Variants in COL23A1 observed in about 807,000 individuals in gnomAD.
COL23A1 encodes collagen type XXIII alpha 1 chain.
COL23A1 carries 97 observed loss-of-function variants against 99.3 expected under a neutral mutation model. That is an observed-to-expected ratio of 0.98 (90% CI 0.83 to 1.16). The LOEUF (loss-of-function observed/expected upper bound fraction) is 1.16, where lower values mean the gene tolerates loss of function less well. Among genes scored for constraint, COL23A1 ranks in the 50% most tolerant of loss-of-function variants. The pLI is 0.00. For synonymous variants in COL23A1, 320 were observed against 308.2 expected (o/e 1.04, Z -0.40); for missense variants, 762 against 757.4 (o/e 1.01, Z -0.07).
chr5:178,433,035 C>T (rs1766349770), intron 2 of COL23A1, among the ~76,000 whole-genome samples: 1 of 152,094 alleles, frequency 6.6e-6, no homozygotes, highest in Non-Finnish European at 1.5e-5. Flanking sequence ...GTTTATTTCC[C>T]TCCTGACACC....
chr5:178,433,420 G>A (rs1450117847), intron 2 of COL23A1, among the ~76,000 whole-genome samples: 1 of 152,164 alleles, frequency 6.6e-6, no homozygotes. Flanking sequence ...AGTTGGGGTG[G>A]GGTCGCCACC....
In COL23A1 at chr5:178,255,350, A is replaced by G. The variant is rs560308012; in HGVS notation, c.883-324T>C. 6.6e-6 allele frequency among the ~76,000 whole-genome samples: 1 copy of G among 152,336 alleles called. No individual in the cohort carries two copies. The highest frequency in any genetic ancestry group is 6.5e-5 in the Admixed American group (1 of 15,308). On this transcript the variant is annotated intron_variant, in intron 15 of 28. Coordinates refer to ENST00000390654, the MANE Select transcript of COL23A1 (RefSeq NM_173465.4). This position sits in a 1 kb window ranked among gnomAD's most constrained non-coding sequence, Gnocchi z 4.2. ...TTCAGATTTTTCAATGTTGGCAACA[A>G]ACAGAAAAGCCCCAAACCCTCCAAA...
Position 178,281,627 on chromosome 5 carries a change from C to A in COL23A1, c.441+6697G>T, listed in dbSNP as rs1756905979. Among the ~76,000 whole-genome samples the A allele has an allele frequency of 6.6e-6, 1 of 152,200 alleles. No individual in the cohort carries two copies. Among genetic ancestry groups the A allele is most frequent in the South Asian group, 2.1e-4 (1 of 4,828 alleles). On this transcript the variant is annotated intron_variant, in intron 5 of 28. Transcript: ENST00000390654. This position sits in a 1 kb window ranked among gnomAD's most constrained non-coding sequence, Gnocchi z 4.0. ...CCCTCGTTTCTGTTAGTCATTCAGG[C>A]TTCACCAGCAAATTAGTGCAACCGC... is the stretch of plus-strand genomic sequence containing the variant.
chr5:178,252,370 C>A (rs928840342), intron 17 of COL23A1, among the ~76,000 whole-genome samples, 174 bp downstream of exon 17: 3 of 152,140 alleles, frequency 2.0e-5, no homozygotes, highest in African/African-American at 7.2e-5. Context: ...CAGAGTAGAT[C>A]GAGCCCAGGA....
chr5:178,301,369 T>C (rs961830451), intron 3 of COL23A1, among the ~76,000 whole-genome samples: 1 of 152,242 alleles, frequency 6.6e-6, no homozygotes, highest in African/African-American at 2.4e-5. Context: ...CATGGTTTCC[T>C]TTAGTTTTTT....
At chr5:178,267,234 A>C in intron 8 of COL23A1, 73 bp downstream of exon 8, 3 of 1,510,766 alleles carry the variant, frequency 2.0e-6, no homozygotes, top group Non-Finnish European at 2.8e-6. Flanking sequence ...ACCCAGAAGC[A>C]GCGCCAGTTA....
Position 178,435,789 on chromosome 5 carries a change from C to T in COL23A1, c.361+124893G>A, listed in dbSNP as rs948380096. Among the ~76,000 whole-genome samples, 7 of 152,150 alleles carry T rather than the reference C, an allele frequency of 4.6e-5. No individual in the cohort carries two copies. The South Asian group carries it at 8.3e-4, about 18-fold the overall frequency. ...TTTGGAGGTGGCCCTGGAGAGGGCACCCCCATCCCCCTCAACTTCCCGGAC... is the reference window on the plus strand; with the variant it reads ...TTTGGAGGTGGCCCTGGAGAGGGCATCCCCATCCCCCTCAACTTCCCGGAC... On this transcript the variant is annotated intron_variant, in intron 2 of 28. Coordinates refer to ENST00000390654, the MANE Select transcript of COL23A1 (RefSeq NM_173465.4).
At chr5:178,542,326 C>T (rs745640910) in intron 2 of COL23A1, among the ~76,000 whole-genome samples, 19 of 152,236 alleles carry the variant, frequency 1.2e-4, no homozygotes, top group South Asian at 4.1e-4. Context: ...CCACCGTGCC[C>T]GGCCCTGTAG....
Position 178,246,324 on chromosome 5 carries a change from T to G in COL23A1, c.1360-17A>C, listed in dbSNP as rs1167038988. Reference sequence around the variant, plus strand: ...AACTGGCCCCTGGATAGAAAAGGAATGAGTCAAGAGGCATGCTAGTGACAG... The same window carrying G: ...AACTGGCCCCTGGATAGAAAAGGAAGGAGTCAAGAGGCATGCTAGTGACAG... On this transcript the variant is annotated splice_polypyrimidine_tract_variant and intron_variant, in intron 23 of 28. Coordinates refer to ENST00000390654, the MANE Select transcript of COL23A1 (RefSeq NM_173465.4). 6.4e-7 allele frequency: 1 copy of G among 1,557,812 alleles called. No individual in the cohort carries two copies. Among genetic ancestry groups the G allele is most frequent in the Non-Finnish European group, 8.7e-7 (1 of 1,149,892 alleles).
At position 178,425,838 on chromosome 5, in the gene COL23A1, G is replaced by T. The variant is rs537463094; in HGVS notation, c.362-118919C>A. Among the ~76,000 whole-genome samples, 28 of 152,366 alleles carry T rather than the reference G, an allele frequency of 1.8e-4. No individual in the cohort carries two copies. The East Asian group carries it at 5.2e-3, about 28-fold the overall frequency. Reference sequence around the variant, plus strand: ...TATTGACTAACCAGGAGAGCCTGATGAATTTGTGTCTTGAGAGTGCCGTGG... The same window carrying T: ...TATTGACTAACCAGGAGAGCCTGATTAATTTGTGTCTTGAGAGTGCCGTGG... On this transcript the variant is annotated intron_variant, in intron 2 of 28. Coordinates refer to ENST00000390654, the MANE Select transcript of COL23A1 (RefSeq NM_173465.4).
In COL23A1 at chr5:178,366,953, T is replaced by C. The variant is rs570793845; in HGVS notation, c.362-60034A>G. Among the ~76,000 whole-genome samples, 2 of 152,312 alleles carry C rather than the reference T, an allele frequency of 1.3e-5. No individual in the cohort carries two copies. Among genetic ancestry groups the C allele is most frequent in the African/African-American group, 2.4e-5 (1 of 41,566 alleles). On this transcript the variant is annotated intron_variant, in intron 2 of 28. Transcript: ENST00000390654. The surrounding 1 kb of genome is among the most constrained non-coding windows in gnomAD (Gnocchi z 4.4). The stretch of plus-strand genomic sequence containing the variant: ...GGGCTGTGCTTTCTTCACCTCTGCA[T>C]TCCAGGTGTCTCCTACGGACCTGGA...
Position 178,358,099 on chromosome 5 carries a change from ATGTG to A in COL23A1, c.362-51184_362-51181del, listed in dbSNP as rs142465793. ...ATGTGTATGTACGTGTGTAGGTCTA[ATGTG>A]TGTGTATGTGTATGTGTACGTGTGT... On this transcript the variant is annotated intron_variant, in intron 2 of 28. Coordinates refer to ENST00000390654, the MANE Select transcript of COL23A1 (RefSeq NM_173465.4). Among the ~76,000 whole-genome samples, 149 of 138,790 alleles carry A rather than the reference ATGTG, an allele frequency of 1.1e-3. 3 individuals carry two copies. The East Asian group carries it at 0.02, about 18-fold the overall frequency. The allele number at this position is 138,790 out of a possible 152,430, so 91.1% of individuals were successfully genotyped here.
At chr5:178,268,010 C>G (rs1756001350) in intron 7 of COL23A1, among the ~76,000 whole-genome samples, 1 of 152,376 alleles carries the variant, frequency 6.6e-6, no homozygotes, top group East Asian at 1.9e-4. Flanking sequence ...CTTCTGAACA[C>G]CAGCTCCCAT....
Position 178,309,376 on chromosome 5 carries a change from G to C in COL23A1, c.362-2457C>G, listed in dbSNP as rs1758542079. Among the ~76,000 whole-genome samples the C allele has an allele frequency of 6.6e-6, 1 of 152,120 alleles. No homozygotes were observed. ...AGCTGGGCAGGACTGGGGTGTTGCT[G>C]AGCATACAGGGCCTGTGAGCCGCAG... is the stretch of plus-strand genomic sequence containing the variant. On this transcript the variant is annotated intron_variant, in intron 2 of 28. Transcript: ENST00000390654. The surrounding 1 kb of genome is among the most constrained non-coding windows in gnomAD (Gnocchi z 4.7).
At chr5:178,334,788 C>A (rs1110162) in intron 2 of COL23A1, among the ~76,000 whole-genome samples, 1 of 151,824 alleles carries the variant, frequency 6.6e-6, no homozygotes, top group African/African-American at 2.4e-5. Context: ...CACACGTTTC[C>A]GCCAAGTCTT....
Position 178,340,258 on chromosome 5 carries a change from A to G in COL23A1, c.362-33339T>C, listed in dbSNP as rs1045488984. ...GGCTGAGAACAAGGACACCTTTCTGACCAGCAATAAGCCTCACCAAAAAAT... is the reference window on the plus strand; with the variant it reads ...GGCTGAGAACAAGGACACCTTTCTGGCCAGCAATAAGCCTCACCAAAAAAT... On this transcript the variant is annotated intron_variant, in intron 2 of 28. Coordinates refer to ENST00000390654, the MANE Select transcript of COL23A1 (RefSeq NM_173465.4). This position sits in a 1 kb window ranked among gnomAD's most constrained non-coding sequence, Gnocchi z 4.7. Among the ~76,000 whole-genome samples the G allele has an allele frequency of 6.6e-6, 1 of 152,166 alleles. No homozygotes were observed. Among genetic ancestry groups the G allele is most frequent in the African/African-American group, 2.4e-5 (1 of 41,436 alleles).
intron 25 of COL23A1, among the ~76,000 whole-genome samples, chr5:178,242,642 G>A (rs1764469616): frequency 6.6e-6 from 1 of 152,228 alleles, no homozygotes; most frequent in Admixed American, 6.5e-5. Context: ...CACTCAGGCA[G>A]AGCTGCTGGC....
rs540178509 is a variant in COL23A1 at position 178,434,348 on chromosome 5, T to C, written c.361+126334A>G. 1.8e-4 allele frequency among the ~76,000 whole-genome samples: 27 copies of C among 152,336 alleles called. No individual in the cohort carries two copies. The highest frequency in any genetic ancestry group is 6.0e-4 in the African/African-American group (25 of 41,580). On this transcript the variant is annotated intron_variant, in intron 2 of 28. Coordinates refer to ENST00000390654, the MANE Select transcript of COL23A1 (RefSeq NM_173465.4). This position sits in a 1 kb window ranked among gnomAD's most constrained non-coding sequence, Gnocchi z 4.3. Reference sequence around the variant, plus strand: ...CCGAGGCACTGTTCTCCAGGACAGATGCAGCAACCACACATGGTCCCACCA... The same window carrying C: ...CCGAGGCACTGTTCTCCAGGACAGACGCAGCAACCACACATGGTCCCACCA...
At chr5:178,458,653 A>T (rs1280416598) in intron 2 of COL23A1, among the ~76,000 whole-genome samples, 1 of 143,158 alleles carries the variant, frequency 7.0e-6, no homozygotes, top group Non-Finnish European at 1.6e-5. Context: ...AAAAAACACA[A>T]GAAACAAAAC....
Sources: allele counts gnomAD v4.1 joint callset (sites outside exome capture counted in the v4.1 genomes callset), GRCh38; gene constraint gnomAD v4.1.1; non-coding constraint Gnocchi (gnomAD v3.1); transcripts MANE v1.5; gene names NCBI Gene and HGNC (gene_info 2026-07-23, HGNC 2026-07-21).